CNBD1: variants seen among roughly 807,000 people sequenced by gnomAD.
The protein encoded by CNBD1 is cyclic nucleotide-binding domain-containing protein 1.
In CNBD1, 71 loss-of-function variants were observed where a neutral mutation model predicts 54.4. The observed-to-expected ratio is 1.30, with a 90% CI of 1.08 to 1.59. The LOEUF (loss-of-function observed/expected upper bound fraction) is 1.59, where lower values mean the gene tolerates loss of function less well. Among genes scored for constraint, CNBD1 ranks in the 40% most tolerant of loss-of-function variants. The pLI is 0.00. For missense variants in CNBD1, 659 were observed against 518.0 expected, an observed-to-expected ratio of 1.27 and a Z score of -2.64; for synonymous variants, 182 against 170.7, an observed-to-expected ratio of 1.07 and a Z score of -0.51.
intron 5 of CNBD1, among the ~76,000 whole-genome samples, chr8:87,209,881 C>G (rs1311698083): frequency 1.3e-5 from 2 of 152,106 alleles, no homozygotes; most frequent in Non-Finnish European, 2.9e-5. Flanking sequence ...AATTGCATTG[C>G]CCATAATCTT....
At chr8:86,901,042 T>C (rs184446889) in intron 2 of CNBD1, among the ~76,000 whole-genome samples, 2 of 152,152 alleles carry the variant, frequency 1.3e-5, no homozygotes, top group Non-Finnish European at 2.9e-5. Context: ...TTCCAAAAAA[T>C]TTTTAAATAA....
At chr8:87,099,613 G>A (rs1811389596) in intron 4 of CNBD1, among the ~76,000 whole-genome samples, 1 of 152,156 alleles carries the variant, frequency 6.6e-6, no homozygotes, top group South Asian at 2.1e-4. Context: ...CATGTTGAAT[G>A]TGAGTGACAA....
rs868174044 is a variant in CNBD1 at position 86,925,816 on chromosome 8, C to T, written c.273-13780C>T. Among the ~76,000 whole-genome samples the T allele has an allele frequency of 3.3e-5, 5 of 151,100 alleles. No homozygotes were observed. The South Asian group carries it at 6.3e-4, about 19-fold the overall frequency. ...TGGAGTTGGTTCCTGCTGGTGGGTT[C>T]GTAGTCTCGCTGACTTCAAGAATGG... On this transcript the variant is annotated intron_variant, in intron 3 of 10. Coordinates refer to ENST00000518476, the MANE Select transcript of CNBD1 (RefSeq NM_173538.3).
At chr8:86,887,031 G>T (rs1808690165) in intron 1 of CNBD1, among the ~76,000 whole-genome samples, 1 of 152,140 alleles carries the variant, frequency 6.6e-6, no homozygotes, top group South Asian at 2.1e-4. Flanking sequence ...TCTTTAGAAG[G>T]AATTGCAAAC....
At chr8:86,892,636 G>T (rs998569425) in intron 2 of CNBD1, among the ~76,000 whole-genome samples, 1 of 152,000 alleles carries the variant, frequency 6.6e-6, no homozygotes. Flanking sequence ...ATTAAAAATT[G>T]AGTAGTTTCT....
Position 87,353,671 on chromosome 8 carries a change from T to A in CNBD1, c.1188T>A (p.Leu396=), listed in dbSNP as rs753277505. ...RSQKLVYMGK[L]KEKESFGEIS... ...AAAAACTTGTTTATATGGGGAAACT[T>A]AAGGAGAAGGAGTCCTTTGGTGAGA... Residue 396 remains leucine, a synonymous_variant, in exon 10 of 11, where the codon CTT becomes CTA. Transcript: ENST00000518476. 3.1e-6 allele frequency: 5 copies of A among 1,601,676 alleles called. No homozygotes were observed. Among genetic ancestry groups the A allele is most frequent in the Non-Finnish European group, 4.3e-6 (5 of 1,174,740 alleles).
At chr8:87,250,062 G>A (rs1024896172) in intron 6 of CNBD1, among the ~76,000 whole-genome samples, 2 of 152,056 alleles carry the variant, frequency 1.3e-5, no homozygotes, top group Non-Finnish European at 2.9e-5. Context: ...GAAAATATTT[G>A]CAAACCACCC....
At chr8:87,064,453 G>C (rs2130643735) in intron 4 of CNBD1, among the ~76,000 whole-genome samples, 1 of 151,862 alleles carries the variant, frequency 6.6e-6, no homozygotes, top group South Asian at 2.1e-4. Flanking sequence ...GTAAGGAAGG[G>C]GCTTAGAACA....
chr8:87,228,336 G>T (rs982730318), intron 5 of CNBD1, among the ~76,000 whole-genome samples: 3 of 150,688 alleles, frequency 2.0e-5, no homozygotes, highest in African/African-American at 5.0e-5. Flanking sequence ...AGAGTTTCCA[G>T]TTTTTCTGTT....
chr8:87,324,044 G>T (rs1809604936), intron 8 of CNBD1, among the ~76,000 whole-genome samples: 1 of 125,656 alleles, frequency 8.0e-6, no homozygotes, highest in East Asian at 2.0e-4. Context: ...GGCTTTTTCT[G>T]CATCTATTGA....
At chr8:87,000,750 T>C (rs926095816) in intron 4 of CNBD1, among the ~76,000 whole-genome samples, 1 of 152,186 alleles carries the variant, frequency 6.6e-6, no homozygotes, top group Non-Finnish European at 1.5e-5. Flanking sequence ...TTTAATGTTG[T>C]TCCATCATCT....
intron 5 of CNBD1, among the ~76,000 whole-genome samples, chr8:87,230,830 T>G (rs1416989084): frequency 6.6e-6 from 1 of 152,214 alleles, no homozygotes. Flanking sequence ...GAATAGCCAA[T>G]CAACCCACTT....
intron 8 of CNBD1, among the ~76,000 whole-genome samples, chr8:87,313,998 G>A (rs184004814): frequency 6.6e-6 from 1 of 151,936 alleles, no homozygotes; most frequent in East Asian, 1.9e-4. Flanking sequence ...CTGGAATATT[G>A]GAGAGATCCC....
chr8:87,416,060 T>A (rs952331193), intron 2 of CNBD1, among the ~76,000 whole-genome samples: 2 of 151,996 alleles, frequency 1.3e-5, no homozygotes, highest in South Asian at 4.1e-4. Flanking sequence ...TATAAATAAG[T>A]TGGAACACTT....
intron 2 of CNBD1, among the ~76,000 whole-genome samples, chr8:87,401,648 G>A (rs1807567434): frequency 2.0e-5 from 3 of 152,014 alleles, no homozygotes; most frequent in South Asian, 4.1e-4. Flanking sequence ...ATGCTTAACA[G>A]AAATGTCAAA....
At chr8:87,002,991 C>G (rs1381463162) in intron 4 of CNBD1, among the ~76,000 whole-genome samples, 1 of 152,092 alleles carries the variant, frequency 6.6e-6, no homozygotes, top group Non-Finnish European at 1.5e-5. Context: ...AAATTATACT[C>G]GAACACCTTT....
intron 6 of CNBD1, among the ~76,000 whole-genome samples, chr8:87,270,411 A>C (rs1378151504): frequency 6.6e-6 from 1 of 152,052 alleles, no homozygotes; most frequent in Non-Finnish European, 1.5e-5. Flanking sequence ...AACCACAATG[A>C]GATACCATCT....
At chr8:87,191,756 G>A (rs544942773) in intron 4 of CNBD1, among the ~76,000 whole-genome samples, 1 of 152,284 alleles carries the variant, frequency 6.6e-6, no homozygotes, top group African/African-American at 2.4e-5. Context: ...CACCCCGACT[G>A]CCCACTGTGT....
intron 6 of CNBD1, among the ~76,000 whole-genome samples, chr8:87,273,666 T>A (rs1220804940): frequency 6.6e-6 from 1 of 152,050 alleles, no homozygotes; most frequent in Non-Finnish European, 1.5e-5. Flanking sequence ...TGAATATCGT[T>A]ATTCTTTGCT....
Sources: gnomAD v4.1 joint callset for allele counts (sites outside exome capture counted in the v4.1 genomes callset) on GRCh38, gnomAD v4.1.1 for gene constraint, MANE v1.5 for transcripts, NCBI Gene and HGNC (gene_info 2026-07-23, HGNC 2026-07-21) for gene names.